Variants in WDFY2 observed in about 807,000 individuals in gnomAD.
WDFY2 encodes the protein WD repeat and FYVE domain containing 2.
Under a neutral mutation model 56.4 loss-of-function variants are expected in WDFY2, and 36 were observed. The ratio of observed to expected loss-of-function variants is 0.64; its 90% CI spans 0.49 to 0.84. The LOEUF (loss-of-function observed/expected upper bound fraction) is 0.84, where lower values mean the gene tolerates loss of function less well. WDFY2 is among the 40% of genes least tolerant of loss of function. The pLI is 0.00. For missense variants in WDFY2, 444 were observed against 512.2 expected (o/e 0.87, Z 1.29); for synonymous variants, 176 against 183.7 (o/e 0.96, Z 0.34).
At chr13:51,635,063 C>G (rs549291658) in intron 1 of WDFY2, among the ~76,000 whole-genome samples, 1 of 152,090 alleles carries the variant, frequency 6.6e-6, no homozygotes, top group African/African-American at 2.4e-5. Flanking sequence ...CTCAGCCTCC[C>G]GAGTAGCTGG....
chr13:51,684,114 T>A (rs1956021738), intron 3 of WDFY2, among the ~76,000 whole-genome samples: 1 of 152,126 alleles, frequency 6.6e-6, no homozygotes, highest in Non-Finnish European at 1.5e-5. Context: ...AAGACAACCA[T>A]CAGTATTAGA....
Position 51,694,783 on chromosome 13 carries a change from A to C in WDFY2, c.280-8813A>C, listed in dbSNP as rs1446630596. Among the ~76,000 whole-genome samples the C allele has an allele frequency of 3.8e-3, 575 of 151,952 alleles. 2 individuals carry two copies. Among genetic ancestry groups the C allele is most frequent in the African/African-American group, 0.011 (446 of 41,308 alleles). On this transcript the variant is annotated intron_variant, in intron 3 of 11. Coordinates refer to ENST00000298125, the MANE Select transcript of WDFY2 (RefSeq NM_052950.4). Reference sequence around the variant, plus strand: ...ATAATATCCTGCAGAGTGTTTTCCAACTTGGTTCCATTTTCCCCGTCACTT... The same window carrying C: ...ATAATATCCTGCAGAGTGTTTTCCACCTTGGTTCCATTTTCCCCGTCACTT...
intron 3 of WDFY2, among the ~76,000 whole-genome samples, chr13:51,682,066 C>T (rs1955985602): frequency 6.6e-6 from 1 of 152,152 alleles, no homozygotes; most frequent in South Asian, 2.1e-4. Context: ...CCTCTTGAAT[C>T]GACTTTTAGA....
chr13:51,693,602 C>A (rs1043763697), intron 3 of WDFY2, among the ~76,000 whole-genome samples: 18 of 151,944 alleles, frequency 1.2e-4, no homozygotes, highest in African/African-American at 2.9e-4. Context: ...TTTACTTCCA[C>A]CTATGTGGTC....
chr13:51,603,097 C>A (rs997138978), intron 1 of WDFY2, among the ~76,000 whole-genome samples: 1 of 152,096 alleles, frequency 6.6e-6, no homozygotes, highest in Non-Finnish European at 1.5e-5. Flanking sequence ...AGTGCTTTGA[C>A]CATGGACCAC....
intron 6 of WDFY2, among the ~76,000 whole-genome samples, chr13:51,730,146 A>G (rs1952691570): frequency 6.6e-6 from 1 of 152,236 alleles, no homozygotes; most frequent in African/African-American, 2.4e-5. Flanking sequence ...TCCAAGTTGT[A>G]GCAAACAATC....
At chr13:51,605,730 T>C (rs1236303118) in intron 1 of WDFY2, among the ~76,000 whole-genome samples, 1 of 152,212 alleles carries the variant, frequency 6.6e-6, no homozygotes, top group Non-Finnish European at 1.5e-5. Context: ...ATTGATGATA[T>C]ATCCACACTG....
At chr13:51,604,403 T>C (rs73197845) in intron 1 of WDFY2, among the ~76,000 whole-genome samples, 170 of 152,246 alleles carry the variant, frequency 1.1e-3, no homozygotes, top group Non-Finnish European at 2.1e-3. Flanking sequence ...GGAATCAGAC[T>C]ATGTCTTGAT....
Position 51,584,586 on chromosome 13 carries a change from G to C in WDFY2, c.-102G>C. 1 of 1,422,558 alleles carries C rather than the reference G, an allele frequency of 7.0e-7. No individual in the cohort carries two copies. Among genetic ancestry groups the C allele is most frequent in the South Asian group, 1.4e-5 (1 of 69,752 alleles). The allele number at this position is 1,422,558 out of a possible 1,614,324, so 88.1% of individuals were successfully genotyped here. A position where few individuals can be genotyped will look rare whatever the true frequency, so the allele number is the denominator to read the frequency against. ...GGTTTCCGGCGTTCCGCTCCGGCCA[G>C]CCAGAGTCTCTGTCTCAACCTGTGT... On this transcript the variant is annotated 5_prime_UTR_variant, in exon 1 of 12. Transcript: ENST00000298125.
chr13:51,687,384 A>G (rs1021938462), intron 3 of WDFY2, among the ~76,000 whole-genome samples: 10 of 151,984 alleles, frequency 6.6e-5, no homozygotes, highest in African/African-American at 2.4e-4. Flanking sequence ...CTATGGGGAG[A>G]AATAGAACAG....
At position 51,718,559 on chromosome 13, in the gene WDFY2, TACACACAC is replaced by T. The variant is rs71192015; in HGVS notation, c.335-602_335-595del. Among the ~76,000 whole-genome samples, 965 of 138,752 alleles carry T rather than the reference TACACACAC, an allele frequency of 7.0e-3. 9 individuals carry two copies. The highest frequency in any genetic ancestry group is 0.015 in the African/African-American group (544 of 37,462). 91.0% of individuals were successfully genotyped at this position (138,752 alleles called of 152,430 possible). On this transcript the variant is annotated intron_variant, in intron 4 of 11. Coordinates refer to ENST00000298125, the MANE Select transcript of WDFY2 (RefSeq NM_052950.4). ...GGAAATTTGCTCTTATTATCATTCATACACACACACACACACACACACACACACACACA... is the reference window on the plus strand; with the variant it reads ...GGAAATTTGCTCTTATTATCATTCATACACACACACACACACACACACACA...
intron 4 of WDFY2, among the ~76,000 whole-genome samples, chr13:51,716,297 C>T (rs1471299164): frequency 1.3e-5 from 2 of 152,062 alleles, no homozygotes; most frequent in African/African-American, 4.8e-5. Flanking sequence ...TGATGATGCA[C>T]AACATTGTGA....
chr13:51,595,586 C>T (rs892998942), intron 1 of WDFY2, among the ~76,000 whole-genome samples: 1 of 152,110 alleles, frequency 6.6e-6, no homozygotes, highest in African/African-American at 2.4e-5. Flanking sequence ...CCATGGCTGC[C>T]TGCTGGTGGG....
At chr13:51,706,942 A>G (rs1464470183) in intron 4 of WDFY2, among the ~76,000 whole-genome samples, 1 of 152,256 alleles carries the variant, frequency 6.6e-6, no homozygotes, top group Non-Finnish European at 1.5e-5. Context: ...CCATAACATA[A>G]TATGTTAAAT....
At chr13:51,708,187 C>T (rs1952128934) in intron 4 of WDFY2, among the ~76,000 whole-genome samples, 1 of 151,582 alleles carries the variant, frequency 6.6e-6, no homozygotes, top group Admixed American at 6.6e-5. Flanking sequence ...TGGCCCAAAG[C>T]AACTATTAAA....
intron 2 of WDFY2, among the ~76,000 whole-genome samples, chr13:51,666,221 T>C (rs1446700939): frequency 2.6e-5 from 4 of 152,214 alleles, no homozygotes; most frequent in Admixed American, 1.3e-4. Flanking sequence ...TTTTCCCACT[T>C]GTGTTAGCCC....
At chr13:51,633,850 G>T (rs1033932226) in intron 1 of WDFY2, among the ~76,000 whole-genome samples, 1 of 152,076 alleles carries the variant, frequency 6.6e-6, no homozygotes, top group Non-Finnish European at 1.5e-5. Flanking sequence ...TTTTTAATAT[G>T]CTAGTTAGTA....
intron 1 of WDFY2, among the ~76,000 whole-genome samples, chr13:51,596,448 A>G (rs1954150005): frequency 6.6e-6 from 1 of 152,240 alleles, no homozygotes; most frequent in African/African-American, 2.4e-5. Context: ...CGATGTGGAT[A>G]GGATAGGGCA....
At position 51,715,625 on chromosome 13, in the gene WDFY2, TAA is replaced by T. The variant is rs566316591; in HGVS notation, c.335-3571_335-3570del. On this transcript the variant is annotated intron_variant, in intron 4 of 11. Transcript: ENST00000298125. ...CAGTTAACATTTTAAAATATATATA[TAA>T]ATAGAAGGAGTACACTCTAAAATAC... Among the ~76,000 whole-genome samples the T allele has an allele frequency of 2.6e-4, 39 of 152,224 alleles. No individual in the cohort carries two copies. The South Asian group carries it at 7.9e-3, about 31-fold the overall frequency.
Sources: gnomAD v4.1 joint callset for allele counts (sites outside exome capture counted in the v4.1 genomes callset) on GRCh38, gnomAD v4.1.1 for gene constraint, MANE v1.5 for transcripts, NCBI Gene and HGNC (gene_info 2026-07-23, HGNC 2026-07-21) for gene names.